ACYP2: variants seen among roughly 807,000 people sequenced by gnomAD.
ACYP2 encodes the protein acylphosphatase 2, also known as acylphosphatase-2.
ACYP2 carries 12 observed loss-of-function variants against 11.2 expected under a neutral mutation model. The observed-to-expected ratio is 1.08, with a 90% CI of 0.69 to 1.74. The LOEUF is 1.74. ACYP2 is among the 40% of genes most tolerant of loss of function. ACYP2 has a pLI of 0.00. For missense variants in ACYP2, 134 were observed against 101.9 expected (o/e 1.31, Z -1.35); for synonymous variants, 43 against 32.2 (o/e 1.33, Z -1.13).
intron 6 of ACYP2, among the ~76,000 whole-genome samples, chr2:54,237,599 C>G (rs1319304716): frequency 6.6e-6 from 1 of 152,172 alleles, no homozygotes; most frequent in Non-Finnish European, 1.5e-5. Flanking sequence ...TCTGGCTTCT[C>G]TTGATTCTTT....
chr2:54,027,129 A>T (rs1420978292), intron 2 of ACYP2, among the ~76,000 whole-genome samples: 1 of 152,210 alleles, frequency 6.6e-6, no homozygotes, highest in African/African-American at 2.4e-5. Context: ...TATTATTAAC[A>T]TTAGCATTGT....
intron 4 of ACYP2, among the ~76,000 whole-genome samples, chr2:54,057,970 A>G (rs568001074): frequency 2.8e-4 from 43 of 152,356 alleles, no homozygotes; most frequent in Non-Finnish European, 5.6e-4. Context: ...TTTTAAATTC[A>G]TATTTCATGC....
chr2:54,019,418 T>G (rs1459516121), intron 2 of ACYP2, among the ~76,000 whole-genome samples: 2 of 150,808 alleles, frequency 1.3e-5, no homozygotes, highest in Non-Finnish European at 3.0e-5. Flanking sequence ...ACTCTGTCAC[T>G]TAGGCTGGAA....
At chr2:54,107,986 C>T (rs1410108772) in intron 4 of ACYP2, among the ~76,000 whole-genome samples, 3 of 152,180 alleles carry the variant, frequency 2.0e-5, no homozygotes, top group Admixed American at 6.5e-5. Context: ...GAAACTGCCA[C>T]ATCCAAAAAG....
At chr2:54,245,654 A>AT (rs1279708738) in intron 6 of ACYP2, among the ~76,000 whole-genome samples, 1 of 150,802 alleles carries the variant, frequency 6.6e-6, no homozygotes, top group African/African-American at 2.4e-5. Context: ...TTTTGGATAA[A>AT]TGTATGTCTC....
intron 6 of ACYP2, among the ~76,000 whole-genome samples, chr2:54,198,409 C>T (rs80206175): frequency 0.012 from 1,754 of 152,024 alleles, 29 homozygotes; most frequent in African/African-American, 0.041. Flanking sequence ...AGGAAGGAGG[C>T]TATCATATGG....
intron 2 of ACYP2, among the ~76,000 whole-genome samples, chr2:54,001,238 G>A (rs1672781017): frequency 6.6e-6 from 1 of 152,058 alleles, no homozygotes; most frequent in African/African-American, 2.4e-5. Flanking sequence ...CACTACCATA[G>A]TAGTCCTAGC....
chr2:54,236,093 ATT>A (rs529758708), intron 6 of ACYP2, among the ~76,000 whole-genome samples: 1 of 151,316 alleles, frequency 6.6e-6, no homozygotes, highest in Admixed American at 6.6e-5. Context: ...GATTTCTGGA[ATT>A]TTTTTTGTTT....
At chr2:54,072,542 C>T (rs62140996) in intron 4 of ACYP2, among the ~76,000 whole-genome samples, 54 of 64,824 alleles carry the variant, frequency 8.3e-4, no homozygotes, top group African/African-American at 1.8e-3. Flanking sequence ...TTCCTTCCTT[C>T]CTTCCTTCAT....
At chr2:54,024,511 A>G (rs1169845056) in intron 2 of ACYP2, among the ~76,000 whole-genome samples, 1 of 152,268 alleles carries the variant, frequency 6.6e-6, no homozygotes, top group Non-Finnish European at 1.5e-5. Flanking sequence ...TAATAGATGC[A>G]GAAAAAGCAT....
At chr2:54,251,512 C>A (rs1192616651) in intron 6 of ACYP2, among the ~76,000 whole-genome samples, 1 of 152,178 alleles carries the variant, frequency 6.6e-6, no homozygotes, top group Non-Finnish European at 1.5e-5. Context: ...GCACCCAGAT[C>A]AAGACACAAA....
intron 4 of ACYP2, among the ~76,000 whole-genome samples, chr2:54,103,471 A>G (rs920623983): frequency 7.2e-5 from 11 of 151,856 alleles, no homozygotes; most frequent in Admixed American, 1.3e-4. Context: ...CCAGTTTGTC[A>G]TTTGCTTCCT....
At chr2:53,972,534 G>C (rs1671212611) in intron 1 of ACYP2, among the ~76,000 whole-genome samples, 1 of 151,816 alleles carries the variant, frequency 6.6e-6, no homozygotes, top group Non-Finnish European at 1.5e-5. Flanking sequence ...GTGAATCCGG[G>C]AGATGGAGCT....
chr2:54,201,614 T>TTC lies in ACYP2; in HGVS notation c.404+62868_404+62869dup, dbSNP rs1245110966. Among the ~76,000 whole-genome samples the TTC allele has an allele frequency of 1.7e-4, 15 of 86,300 alleles. No homozygotes were observed. The East Asian group carries it at 6.1e-3, about 35-fold the overall frequency. The allele number at this position is 86,300 out of a possible 152,430, so 56.6% of individuals were successfully genotyped here. ...TCTTTCTCTTTCTTTCTTTCTTTCT[T>TTC]TCTTTCTTTGTTTCTTTCTTTCTCT... is the stretch of plus-strand genomic sequence containing the variant. On this transcript the variant is annotated intron_variant, in intron 6 of 6. Coordinates refer to ENST00000607452, the MANE Select transcript of ACYP2 (RefSeq NM_001320586.2).
At chr2:54,129,441 G>A (rs919945772) in intron 4 of ACYP2, among the ~76,000 whole-genome samples, 2 of 151,794 alleles carry the variant, frequency 1.3e-5, no homozygotes, top group African/African-American at 2.4e-5. Context: ...CTGACTTTAG[G>A]GATTTTGATC....
chr2:54,243,883 A>C (rs1040710768), intron 6 of ACYP2, among the ~76,000 whole-genome samples: 2 of 150,584 alleles, frequency 1.3e-5, no homozygotes, highest in African/African-American at 2.4e-5. Flanking sequence ...TGATGGAAAC[A>C]CTGTTATGCT....
At chr2:54,201,751 C>T (rs1684843712) in intron 6 of ACYP2, among the ~76,000 whole-genome samples, 1 of 149,664 alleles carries the variant, frequency 6.7e-6, no homozygotes, top group Admixed American at 6.7e-5. Flanking sequence ...ACTCTGTCAC[C>T]CAGGCTGGAG....
intron 1 of ACYP2, among the ~76,000 whole-genome samples, chr2:53,973,384 C>G (rs187412007): frequency 4.6e-5 from 7 of 152,262 alleles, no homozygotes; most frequent in African/African-American, 1.7e-4. Flanking sequence ...CCCCAGTGAC[C>G]TGCATGTATA....
rs554184894 is a variant in ACYP2, at chr2:54,218,951, C to A, written c.404+80203C>A. ...GTATTATTAACTGGGTGCTTTCCAT[C>A]CACATTAAATTGGGATTTTTTTTTG... On this transcript the variant is annotated intron_variant, in intron 6 of 6. Coordinates refer to ENST00000607452, the MANE Select transcript of ACYP2 (RefSeq NM_001320586.2). Among the ~76,000 whole-genome samples, 5 of 152,154 alleles carry A rather than the reference C, an allele frequency of 3.3e-5. No individual in the cohort carries two copies. The South Asian group carries it at 1.0e-3, about 32-fold the overall frequency.
Sources: allele counts gnomAD v4.1 joint callset (sites outside exome capture counted in the v4.1 genomes callset), GRCh38; gene constraint gnomAD v4.1.1; transcripts MANE v1.5; gene names NCBI Gene and HGNC (gene_info 2026-07-23, HGNC 2026-07-21).